DNAH3: variants seen among roughly 807,000 people sequenced by gnomAD.
The protein encoded by DNAH3 is dynein axonemal heavy chain 3.
A neutral mutation model predicts 432.5 loss-of-function variants in DNAH3; 332 were observed. The ratio of observed to expected loss-of-function variants is 0.77; its 90% CI spans 0.70 to 0.84. DNAH3 has a LOEUF of 0.84. Among genes scored for constraint, DNAH3 ranks in the 40% least tolerant of loss-of-function variants. DNAH3 has a pLI of 0.00. For synonymous variants in DNAH3, 1,956 were observed against 1,900.2 expected (o/e 1.03, Z -0.76); for missense variants, 4,861 against 5,114.0 (o/e 0.95, Z 1.51).
At chr16:21,030,973 G>C in intron 37 of DNAH3, 72 bp downstream of exon 37, 10 of 1,496,122 alleles carry the variant, frequency 6.7e-6, no homozygotes, top group South Asian at 1.2e-5. Context: ...ATATAGTTTT[G>C]ATCAATCACT....
At chr16:21,041,967 C>G (rs1443237267) in intron 32 of DNAH3, 60 bp downstream of exon 32, 2 of 1,598,750 alleles carry the variant, frequency 1.3e-6, no homozygotes, top group Non-Finnish European at 1.7e-6. Context: ...GCCGCCACAC[C>G]CGGCCCAGAG....
At chr16:21,115,761 T>TAAATA (rs540684299) in intron 12 of DNAH3, among the ~76,000 whole-genome samples, 5,785 of 149,772 alleles carry the variant, frequency 0.039, 175 homozygotes, top group East Asian at 0.18. Flanking sequence ...TAAAATAAAA[T>TAAATA]AAATAAAATA....
exon 32 of DNAH3, chr16:21,042,066 G>A (rs755541623): frequency 1.5e-5 from 25 of 1,613,622 alleles, no homozygotes; most frequent in Admixed American, 8.3e-5. Context: ...CAGCATACCC[G>A]GGGTTCATGG....
chr16:21,068,255 T>G (rs1567733656), intron 23 of DNAH3, among the ~76,000 whole-genome samples: 1 of 150,226 alleles, frequency 6.7e-6, no homozygotes, highest in African/African-American at 2.4e-5. Context: ...GAGGCCTTCC[T>G]TGACACGCTG....
At chr16:21,022,140 A>C in intron 39 of DNAH3, 40 bp from the exon 40 acceptor site, 2 of 1,610,074 alleles carry the variant, frequency 1.2e-6, no homozygotes, top group Non-Finnish European at 1.7e-6. Context: ...AGACATGATC[A>C]ACAAGTGAGT....
chr16:20,982,583 A>G, intron 49 of DNAH3, 138 bp downstream of exon 49: 2 of 647,448 alleles, frequency 3.1e-6, no homozygotes, highest in Non-Finnish European at 5.1e-6. Context: ...ATATCTAACT[A>G]ACTGTGATTC....
chr16:20,963,639 C>G (rs765157933), exon 53 of DNAH3: 2 of 1,614,042 alleles, frequency 1.2e-6, no homozygotes, highest in Non-Finnish European at 1.7e-6. Context: ...CCTTCTCAGA[C>G]AGCCATTGGG....
intron 29 of DNAH3, 44 bp downstream of exon 29, chr16:21,051,626 G>A (rs781509790): frequency 3.1e-6 from 5 of 1,592,890 alleles, no homozygotes; most frequent in East Asian, 2.2e-5. Context: ...TCTTCCCCTG[G>A]AGTTCTCCGT....
intron 25 of DNAH3, among the ~76,000 whole-genome samples, 170 bp from the exon 26 acceptor site, chr16:21,060,526 C>CTTTT (rs375746116): frequency 1.1e-5 from 1 of 93,420 alleles, no homozygotes; most frequent in Non-Finnish European, 2.0e-5. Context: ...TTTTTTTTTT[C>CTTTT]TTTTTTTTTT....
chr16:20,966,597 TTC>T (rs536812885), intron 52 of DNAH3, among the ~76,000 whole-genome samples: 52 of 152,336 alleles, frequency 3.4e-4, no homozygotes, highest in African/African-American at 1.2e-3. Flanking sequence ...GGTAAACTTC[TTC>T]TGTTTTCTAG....
intron 1 of DNAH3, chr16:21,150,310 T>G (rs1169636989): frequency 6.6e-6 from 3 of 455,856 alleles, no homozygotes; most frequent in Non-Finnish European, 1.3e-5. Context: ...GAGCAATCCA[T>G]GTCACCCATG....
exon 60 of DNAH3, chr16:20,936,852 G>A (rs1474318250): frequency 6.2e-7 from 1 of 1,609,176 alleles, no homozygotes; most frequent in East Asian, 2.2e-5. Flanking sequence ...ACTTTGGTCA[G>A]CCTGCAAGAA....
At chr16:20,984,428 C>A (rs1202355116) in intron 48 of DNAH3, among the ~76,000 whole-genome samples, 5 of 151,922 alleles carry the variant, frequency 3.3e-5, no homozygotes, top group Admixed American at 1.3e-4. Flanking sequence ...ACAGACAGGA[C>A]TTGGTAAAGA....
Position 21,031,288 on chromosome 16 carries a change from T to A in DNAH3, c.5198-2A>T, listed in dbSNP as rs968134595. On this transcript the variant is annotated splice_acceptor_variant, in intron 36 of 61. Coordinates refer to ENST00000261383, the Ensembl canonical transcript of DNAH3. LOFTEE classifies it high-confidence loss of function. ...CAGCAAACTCCTCCATCTGATTGGC[T>A]GGGCAAGAAGGTTCAACACCAGTTA... is the stretch of plus-strand genomic sequence containing the variant. 6.2e-7 allele frequency: 1 copy of A among 1,614,188 alleles called. No homozygotes were observed. The highest frequency in any genetic ancestry group is 1.7e-5 in the Admixed American group (1 of 60,018).
chr16:20,949,692 C>G (rs1047165718), intron 56 of DNAH3, among the ~76,000 whole-genome samples: 3 of 152,114 alleles, frequency 2.0e-5, no homozygotes, highest in African/African-American at 7.2e-5. Context: ...AGAATTACAA[C>G]GAGCAAAGAC....
At chr16:21,145,068 T>C in intron 3 of DNAH3, 113 bp downstream of exon 4, 1 of 931,314 alleles carries the variant, frequency 1.1e-6, no homozygotes, top group East Asian at 2.6e-5. Flanking sequence ...GCCACGATCG[T>C]GCCATGGCAC....
intron 18 of DNAH3, among the ~76,000 whole-genome samples, chr16:21,087,347 C>A (rs1466306212): frequency 6.6e-6 from 1 of 152,136 alleles, no homozygotes; most frequent in Non-Finnish European, 1.5e-5. Flanking sequence ...TAATGCCTGG[C>A]ATATAATGGA....
intron 42 of DNAH3, among the ~76,000 whole-genome samples, chr16:21,002,444 G>GTTATTATTA (rs67362610): frequency 0.037 from 5,466 of 146,808 alleles, 119 homozygotes; most frequent in African/African-American, 0.064. Context: ...ATCTGGTGTT[G>GTTATTATTA]TTATTATTAT....
At chr16:20,985,511 A>G in exon 48 of DNAH3, 2 of 1,614,078 alleles carry the variant, frequency 1.2e-6, no homozygotes, top group South Asian at 1.1e-5. Context: ...TCAATGGCAA[A>G]CCTGAACATG....
Sources: gnomAD v4.1 joint callset for allele counts (sites outside exome capture counted in the v4.1 genomes callset) on GRCh38, gnomAD v4.1.1 for gene constraint, MANE v1.5 for transcripts, NCBI Gene and HGNC (gene_info 2026-07-23, HGNC 2026-07-21) for gene names.